EBF1: variants seen among roughly 807,000 people sequenced by gnomAD.
EBF1 encodes EBF transcription factor 1.
EBF1 carries 10 observed loss-of-function variants against 68.4 expected under a neutral mutation model. The ratio of observed to expected loss-of-function variants is 0.15; its 90% CI spans 0.09 to 0.25. EBF1 has a LOEUF of 0.25. Ranked by LOEUF, EBF1 falls within the 10% of genes least tolerant of loss-of-function variation. The pLI is 1.00. For synonymous variants in EBF1, 298 were observed against 299.8 expected, an observed-to-expected ratio of 0.99 and a Z score of 0.06; for missense variants, 509 against 794.4, an observed-to-expected ratio of 0.64 and a Z score of 4.32.
At chr5:159,001,691 G>A (rs778291849) in intron 6 of EBF1, among the ~76,000 whole-genome samples, 1 of 152,142 alleles carries the variant, frequency 6.6e-6, no homozygotes, top group Non-Finnish European at 1.5e-5. Context: ...TTAAGGAGAG[G>A]ATAAAGTGCC....
At chr5:159,048,268 A>C (rs1044796738) in intron 6 of EBF1, among the ~76,000 whole-genome samples, 3 of 152,200 alleles carry the variant, frequency 2.0e-5, no homozygotes, top group African/African-American at 7.2e-5. Flanking sequence ...ATGGACTATC[A>C]AGCTTCCCTC....
intron 6 of EBF1, among the ~76,000 whole-genome samples, chr5:158,853,292 TC>T (rs1793338561): frequency 6.6e-6 from 1 of 152,184 alleles, no homozygotes; most frequent in Admixed American, 6.5e-5. Flanking sequence ...AGTCAGAGTA[TC>T]ATAACCCCCA....
chr5:158,975,980 C>T (rs1231572458), intron 6 of EBF1, among the ~76,000 whole-genome samples: 1 of 152,188 alleles, frequency 6.6e-6, no homozygotes, highest in Non-Finnish European at 1.5e-5. Context: ...GAGGTGATTT[C>T]CTTTCTTGCA....
At chr5:159,066,886 T>C (rs1309662606) in intron 6 of EBF1, among the ~76,000 whole-genome samples, 1 of 152,176 alleles carries the variant, frequency 6.6e-6, no homozygotes, top group African/African-American at 2.4e-5. Context: ...GTCACTTTTA[T>C]ATTGTCCTGG....
At chr5:158,967,230 C>T (rs1222831465) in intron 6 of EBF1, among the ~76,000 whole-genome samples, 11 of 152,112 alleles carry the variant, frequency 7.2e-5, no homozygotes. Flanking sequence ...GATACAAATC[C>T]CCCTCAGATG....
intron 15 of EBF1, among the ~76,000 whole-genome samples, chr5:158,706,544 CAG>C (rs1757918882): frequency 6.6e-6 from 1 of 152,148 alleles, no homozygotes; most frequent in Non-Finnish European, 1.5e-5. Flanking sequence ...GTAAAGCATC[CAG>C]CACACAGTAT....
In EBF1 at chr5:159,069,687, G is replaced by A. The variant is rs965433615; in HGVS notation, c.554+3709C>T. On this transcript the variant is annotated intron_variant, in intron 6 of 15. Coordinates refer to ENST00000313708, the MANE Select transcript of EBF1 (RefSeq NM_024007.5). ...GGGTTCCCAATTCAGACTACCCTAT[G>A]TGACTTTTGTCATTATCATCTTTTC... is the stretch of plus-strand genomic sequence containing the variant. Among the ~76,000 whole-genome samples, 7 of 152,124 alleles carry A rather than the reference G, an allele frequency of 4.6e-5. No individual in the cohort carries two copies. In the South Asian group the frequency reaches 1.5e-3, roughly 32 times the overall value.
chr5:158,716,892 C>G (rs1184309717), intron 11 of EBF1, among the ~76,000 whole-genome samples: 1 of 152,194 alleles, frequency 6.6e-6, no homozygotes, highest in African/African-American at 2.4e-5. Context: ...GTCCAAGGTG[C>G]TAAATTTACT....
chr5:159,057,407 G>C (rs999907243), intron 6 of EBF1, among the ~76,000 whole-genome samples: 1 of 152,084 alleles, frequency 6.6e-6, no homozygotes, highest in Admixed American at 6.5e-5. Context: ...CGCGCCTGAC[G>C]GACTGTTATA....
In EBF1 at chr5:158,984,323, C is replaced by G. The variant is rs374326159; in HGVS notation, c.554+89073G>C. Among the ~76,000 whole-genome samples the G allele has an allele frequency of 7.9e-5, 12 of 152,308 alleles. No homozygotes were observed. The East Asian group carries it at 1.2e-3, about 15-fold the overall frequency. On this transcript the variant is annotated intron_variant, in intron 6 of 15. Coordinates refer to ENST00000313708, the MANE Select transcript of EBF1 (RefSeq NM_024007.5). ...ACTCTATTCTCTAAGTTTCTCAAGT[C>G]TCTTGTTCAACGACCTGAGTTTATA...
chr5:159,050,179 T>TCTCC (rs1773278462), intron 6 of EBF1, among the ~76,000 whole-genome samples: 1 of 140,300 alleles, frequency 7.1e-6, no homozygotes, highest in Non-Finnish European at 1.6e-5. Context: ...TCTCTCTCTC[T>TCTCC]CTTCTCTCTT....
At chr5:158,739,774 G>A (rs554061345) in intron 10 of EBF1, among the ~76,000 whole-genome samples, 1 of 152,272 alleles carries the variant, frequency 6.6e-6, no homozygotes, top group East Asian at 1.9e-4. Flanking sequence ...TTCCCAAAGA[G>A]TTTTGACATT....
chr5:158,884,728 T>C (rs1799673226), intron 6 of EBF1, among the ~76,000 whole-genome samples: 2 of 152,186 alleles, frequency 1.3e-5, no homozygotes, highest in Admixed American at 1.3e-4. Flanking sequence ...ATACTGATCA[T>C]CATTATTATA....
intron 6 of EBF1, among the ~76,000 whole-genome samples, chr5:158,886,503 G>T (rs752423934): frequency 6.6e-6 from 1 of 152,148 alleles, no homozygotes; most frequent in South Asian, 2.1e-4. Context: ...GGTTTTCACC[G>T]CATGGAACTC....
chr5:159,094,051 G>A (rs1208645830), intron 4 of EBF1, among the ~76,000 whole-genome samples: 1 of 141,672 alleles, frequency 7.1e-6, no homozygotes, highest in Non-Finnish European at 1.5e-5. Context: ...AGGATATCCA[G>A]GGTATCAAAG....
intron 6 of EBF1, among the ~76,000 whole-genome samples, chr5:158,868,001 T>C (rs189508509): frequency 6.6e-6 from 1 of 152,248 alleles, no homozygotes; most frequent in African/African-American, 2.4e-5. Flanking sequence ...TTTTTTTTTC[T>C]CTAAAGACTG....
intron 7 of EBF1, 22 bp from the exon 8 acceptor site, chr5:158,823,339 GA>G (rs1238149410): frequency 3.8e-6 from 6 of 1,589,770 alleles, no homozygotes. Context: ...AGAAAGAAAT[GA>G]ATGAACATTT....
intron 6 of EBF1, among the ~76,000 whole-genome samples, chr5:159,040,593 G>A (rs1770999277): frequency 1.3e-5 from 2 of 152,170 alleles, no homozygotes; most frequent in South Asian, 2.1e-4. Context: ...GAAATACAGA[G>A]AACAAGAATG....
At chr5:158,895,949 C>T (rs1802096983) in intron 6 of EBF1, among the ~76,000 whole-genome samples, 1 of 151,996 alleles carries the variant, frequency 6.6e-6, no homozygotes. Context: ...AAGAGAGAGG[C>T]AAAGAAGAGG....
Sources: allele counts gnomAD v4.1 joint callset (sites outside exome capture counted in the v4.1 genomes callset), GRCh38; gene constraint gnomAD v4.1.1; transcripts MANE v1.5; gene names NCBI Gene and HGNC (gene_info 2026-07-23, HGNC 2026-07-21).